CSMD2: variants seen among roughly 807,000 people sequenced by gnomAD.
CSMD2 encodes CUB and Sushi multiple domains 2.
In CSMD2, 130 loss-of-function variants were observed where a neutral mutation model predicts 398.5. The ratio of observed to expected loss-of-function variants is 0.33; its 90% CI spans 0.28 to 0.38. The LOEUF (loss-of-function observed/expected upper bound fraction) is 0.38. CSMD2 is among the 10% of genes least tolerant of loss of function. The probability of loss-of-function intolerance (pLI) is 1.00; values close to 1 mark genes in which losing one functional copy is unlikely to be tolerated. For missense variants in CSMD2, 3,829 were observed against 4,764.9 expected, an observed-to-expected ratio of 0.80 and a Z score of 5.78; for synonymous variants, 1,828 against 1,908.5, an observed-to-expected ratio of 0.96 and a Z score of 1.10.
rs190263829 is a variant in CSMD2 at position 34,157,875 on chromosome 1, G to A, written c.187+7036C>T. Among the ~76,000 whole-genome samples the A allele has an allele frequency of 2.1e-3, 322 of 152,214 alleles. 1 individual carries two copies. The highest frequency in any genetic ancestry group is 7.5e-3 in the African/African-American group (312 of 41,526). On this transcript the variant is annotated intron_variant, in intron 1 of 70. Coordinates refer to ENST00000373381, the MANE Select transcript of CSMD2 (RefSeq NM_001281956.2). ...TCCATCTCCTTCCCTCTCATCTGCT[G>A]TTTGGCTAAAGTTCACATTTGTGGA... is the stretch of plus-strand genomic sequence containing the variant.
At chr1:33,909,839 C>G (rs747233938) in intron 5 of CSMD2, among the ~76,000 whole-genome samples, 1 of 152,122 alleles carries the variant, frequency 6.6e-6, no homozygotes, top group Non-Finnish European at 1.5e-5. Flanking sequence ...CAGCTGTGTC[C>G]CAGCACATCC....
At chr1:34,087,615 A>T (rs1277734517) in intron 2 of CSMD2, among the ~76,000 whole-genome samples, 2 of 39,676 alleles carry the variant, frequency 5.0e-5, no homozygotes, top group Admixed American at 4.0e-4. Flanking sequence ...CTTAAAGTAT[A>T]ATAATAATAA....
chr1:33,568,227 T>C (rs1354700513), intron 52 of CSMD2, among the ~76,000 whole-genome samples: 1 of 150,894 alleles, frequency 6.6e-6, no homozygotes, highest in East Asian at 2.0e-4. Context: ...TTGCTCTGTC[T>C]GCCAGGCTGG....
chr1:33,995,192 A>G (rs1204674395), intron 3 of CSMD2, among the ~76,000 whole-genome samples: 1 of 152,216 alleles, frequency 6.6e-6, no homozygotes, highest in Non-Finnish European at 1.5e-5. Flanking sequence ...CCAAGAGTGT[A>G]AATTATCCAC....
intron 5 of CSMD2, chr1:33,864,151 G>C: frequency 1.3e-6 from 2 of 1,539,472 alleles, no homozygotes; most frequent in Non-Finnish European, 1.7e-6. Context: ...AGTCTCTCCT[G>C]TCCACGTTAC....
intron 22 of CSMD2, among the ~76,000 whole-genome samples, chr1:33,704,662 T>C (rs947821481): frequency 3.3e-5 from 5 of 152,230 alleles, no homozygotes; most frequent in Non-Finnish European, 5.9e-5. Context: ...CCTACAAAAA[T>C]AGCAATTTCA....
intron 3 of CSMD2, among the ~76,000 whole-genome samples, chr1:33,986,033 G>C (rs1446949780): frequency 1.3e-5 from 2 of 152,110 alleles, no homozygotes; most frequent in Non-Finnish European, 2.9e-5. Flanking sequence ...CCAACCCAGG[G>C]AGCTCCTTGA....
intron 25 of CSMD2, among the ~76,000 whole-genome samples, chr1:33,679,856 T>C (rs1227469364): frequency 1.3e-5 from 2 of 152,334 alleles, no homozygotes; most frequent in African/African-American, 2.4e-5. Context: ...TTGTGGACTA[T>C]GCATTTTATC....
chr1:34,032,469 G>T, intron 3 of CSMD2, 125 bp downstream of exon 3: 1 of 589,024 alleles, frequency 1.7e-6, no homozygotes, highest in Admixed American at 3.8e-5. Flanking sequence ...AACCAGCCTT[G>T]TCAGGACAGG....
chr1:33,879,552 A>C (rs1255502677), intron 5 of CSMD2, among the ~76,000 whole-genome samples: 1 of 151,698 alleles, frequency 6.6e-6, no homozygotes, highest in Non-Finnish European at 1.5e-5. Flanking sequence ...TCATTCCCTT[A>C]GACTTTGCCT....
At chr1:33,610,630 A>G (rs553414623) in intron 41 of CSMD2, among the ~76,000 whole-genome samples, 39 of 152,300 alleles carry the variant, frequency 2.6e-4, no homozygotes, top group Middle Eastern at 3.4e-3. Flanking sequence ...AGAATCCTCC[A>G]TCCTGTCATA....
At chr1:34,103,755 A>G (rs1040729433) in intron 1 of CSMD2, among the ~76,000 whole-genome samples, 19 of 45,552 alleles carry the variant, frequency 4.2e-4, no homozygotes, top group Middle Eastern at 9.1e-3. Context: ...GTTAACAATG[A>G]TGGCAAACAC....
At chr1:33,907,836 G>C (rs1183747365) in intron 5 of CSMD2, among the ~76,000 whole-genome samples, 2 of 152,104 alleles carry the variant, frequency 1.3e-5, no homozygotes, top group African/African-American at 4.8e-5. Flanking sequence ...AGGATGAAAA[G>C]AAGTACAGAC....
intron 9 of CSMD2, among the ~76,000 whole-genome samples, chr1:33,818,288 C>T (rs1271133216): frequency 6.6e-6 from 1 of 152,184 alleles, no homozygotes; most frequent in African/African-American, 2.4e-5. Flanking sequence ...GTCATTCATT[C>T]CGTCATCCAT....
At chr1:33,919,882 C>T (rs147302379) in intron 4 of CSMD2, among the ~76,000 whole-genome samples, 97 of 152,366 alleles carry the variant, frequency 6.4e-4, no homozygotes, top group Non-Finnish European at 1.1e-3. Context: ...GTGTCAGCCA[C>T]TGTTCTAGGT....
intron 2 of CSMD2, among the ~76,000 whole-genome samples, chr1:34,047,154 C>T (rs982151606): frequency 1.3e-5 from 2 of 152,148 alleles, no homozygotes; most frequent in Non-Finnish European, 2.9e-5. Flanking sequence ...GCTGCCACTA[C>T]CCGCTCCCAC....
chr1:33,691,816 C>T (rs1645251014), intron 25 of CSMD2, among the ~76,000 whole-genome samples: 2 of 152,160 alleles, frequency 1.3e-5, no homozygotes, highest in African/African-American at 4.8e-5. Flanking sequence ...TATCTATCTC[C>T]CATTCCTTAC....
intron 49 of CSMD2, among the ~76,000 whole-genome samples, chr1:33,573,165 C>T (rs1332998688): frequency 6.6e-6 from 1 of 152,174 alleles, no homozygotes; most frequent in Non-Finnish European, 1.5e-5. Context: ...CCATTGCCTA[C>T]TCAGGTCTGC....
At chr1:34,036,755 T>C (rs577973951) in intron 2 of CSMD2, among the ~76,000 whole-genome samples, 3 of 152,242 alleles carry the variant, frequency 2.0e-5, no homozygotes, top group Non-Finnish European at 2.9e-5. Context: ...GAACCTCTCC[T>C]GTGAATCTAT....
Sources: gnomAD v4.1 joint callset for allele counts (sites outside exome capture counted in the v4.1 genomes callset) on GRCh38, gnomAD v4.1.1 for gene constraint, MANE v1.5 for transcripts, NCBI Gene and HGNC (gene_info 2026-07-23, HGNC 2026-07-21) for gene names.